RBL1: variants seen among roughly 807,000 people sequenced by gnomAD.
The protein encoded by RBL1 is RB transcriptional corepressor like 1, also known as retinoblastoma-like protein 1.
RBL1 carries 82 observed loss-of-function variants against 123.0 expected under a neutral mutation model. That is an observed-to-expected ratio of 0.67 (90% CI 0.56 to 0.80). The LOEUF (loss-of-function observed/expected upper bound fraction) is 0.80. RBL1 is among the 30% of genes least tolerant of loss of function. The pLI, the probability that RBL1 is intolerant of heterozygous loss-of-function variation, is 0.00. For synonymous variants in RBL1, 405 were observed against 441.3 expected (o/e 0.92, Z 1.03); for missense variants, 1,171 against 1,299.6 (o/e 0.90, Z 1.52).
At chr20:37,032,637 T>C (rs1234434244) in intron 16 of RBL1, 28 bp downstream of exon 16, 1 of 1,607,614 alleles carries the variant, frequency 6.2e-7, no homozygotes, top group Non-Finnish European at 8.5e-7. Flanking sequence ...TTAAACAAAT[T>C]CTTCTAAAGT....
chr20:37,007,854 G>C (rs1457070807), intron 19 of RBL1, among the ~76,000 whole-genome samples: 1 of 151,934 alleles, frequency 6.6e-6, no homozygotes, highest in East Asian at 1.9e-4. Flanking sequence ...GCCTCTCAAA[G>C]TGCTGGGATT....
chr20:37,035,115 T>TAA (rs2064583827), intron 15 of RBL1, 127 bp downstream of exon 15: 14 of 922,300 alleles, frequency 1.5e-5, no homozygotes, highest in East Asian at 6.2e-5. Context: ...TCAAATCTAT[T>TAA]TAAAAAAAAA....
chr20:37,012,755 C>T (rs1256560861), intron 19 of RBL1, among the ~76,000 whole-genome samples: 20 of 150,210 alleles, frequency 1.3e-4, no homozygotes, highest in Admixed American at 9.9e-4. Flanking sequence ...GTCAGCCCCC[C>T]GCCTGGCCAG....
chr20:37,005,741 G>T (rs1428765462), intron 20 of RBL1, among the ~76,000 whole-genome samples: 1 of 152,140 alleles, frequency 6.6e-6, no homozygotes, highest in East Asian at 1.9e-4. Flanking sequence ...GAAGCAGGAT[G>T]AACAGTTATG....
chr20:37,033,339 AC>A (rs2064546081), intron 15 of RBL1, among the ~76,000 whole-genome samples: 3 of 151,428 alleles, frequency 2.0e-5, no homozygotes, highest in Admixed American at 2.0e-4. Flanking sequence ...ATGCTACCAC[AC>A]CCGGCTAATT....
intron 8 of RBL1, 39 bp from the exon 9 acceptor site, chr20:37,061,308 C>T (rs757476742): frequency 6.3e-7 from 1 of 1,596,196 alleles, no homozygotes. Flanking sequence ...TTAAAAGTTA[C>T]CATCTTCCTT....
rs373417462 is a variant in RBL1 at position 37,017,789 on chromosome 20, C to T, written c.2722+490G>A. ...GGGACTACAGGCGTATACCACCACA[C>T]CTAGCTAATTTTTGTATTTTTTTTT... On this transcript the variant is annotated intron_variant, in intron 19 of 21. Transcript: ENST00000373664. Among the ~76,000 whole-genome samples, 68 of 152,148 alleles carry T rather than the reference C, an allele frequency of 4.5e-4. 1 individual carries two copies. In the South Asian group the frequency reaches 7.9e-3, roughly 18 times the overall value.
Position 37,082,346 on chromosome 20 carries a change from TAAGA to T in RBL1, c.290+6639_290+6642del, listed in dbSNP as rs529296901. 2.3e-3 allele frequency among the ~76,000 whole-genome samples: 343 copies of T among 152,264 alleles called. 4 individuals are homozygous for T. The highest frequency in any genetic ancestry group is 3.5e-4 in the Non-Finnish European group (24 of 68,010). ...ATTTAATGTGTATAGTTTGGGAAGATAAGAAAGTTCGGGAAATGGTGGTGGTGTT... is the reference window on the plus strand; with the variant it reads ...ATTTAATGTGTATAGTTTGGGAAGATAAGTTCGGGAAATGGTGGTGGTGTT... On this transcript the variant is annotated intron_variant, in intron 2 of 21. Transcript: ENST00000373664.
intron 21 of RBL1, among the ~76,000 whole-genome samples, chr20:37,001,934 A>C (rs1365993843): frequency 6.0e-4 from 91 of 151,200 alleles, no homozygotes; most frequent in Non-Finnish European, 1.1e-3. Flanking sequence ...AAAAAAAAAA[A>C]AAAAAAAACA....
intron 19 of RBL1, among the ~76,000 whole-genome samples, chr20:37,014,177 A>C (rs1218402875): frequency 6.6e-6 from 1 of 150,718 alleles, no homozygotes; most frequent in Non-Finnish European, 1.5e-5. Context: ...TCCTGGGCTC[A>C]AGCCAACCTC....
intron 2 of RBL1, among the ~76,000 whole-genome samples, chr20:37,070,774 C>T (rs1410797277): frequency 2.0e-5 from 3 of 152,122 alleles, no homozygotes; most frequent in African/African-American, 7.2e-5. Flanking sequence ...AGCAAGCCAC[C>T]GTGCCCAGGC....
chr20:37,031,650 C>T (rs1013359616), intron 16 of RBL1, among the ~76,000 whole-genome samples: 16 of 152,168 alleles, frequency 1.1e-4, no homozygotes, highest in Non-Finnish European at 1.9e-4. Context: ...TACGGTGGTT[C>T]CTCAGAAAAT....
At position 37,068,196 on chromosome 20, in the gene RBL1, A is replaced by T; in HGVS notation, c.291-10T>A. On this transcript the variant is annotated splice_polypyrimidine_tract_variant and intron_variant, in intron 2 of 21. Transcript: ENST00000373664. Reference sequence around the variant, plus strand: ...AAAAAATTGTATTAAACTAAAAAAAAAAAGGAGGAGAAAAAAGGCACCTTT... The same window carrying T: ...AAAAAATTGTATTAAACTAAAAAAATAAAGGAGGAGAAAAAAGGCACCTTT... The T allele has an allele frequency of 1.3e-6, 2 of 1,544,456 alleles. No homozygotes were observed. Among genetic ancestry groups the T allele is most frequent in the Non-Finnish European group, 1.7e-6 (2 of 1,151,842 alleles).
chr20:37,032,994 G>C, intron 15 of RBL1, 118 bp from the exon 16 acceptor site: 1 of 987,120 alleles, frequency 1.0e-6, no homozygotes. Context: ...CTACAAAATA[G>C]TAATTCTAGG....
In RBL1 at chr20:36,997,348, G is replaced by T. The variant is rs1039147432; in HGVS notation, c.*1411C>A. 1 of 151,864 alleles carries T rather than the reference G, an allele frequency of 6.6e-6. No individual in the cohort carries two copies. Among genetic ancestry groups the T allele is most frequent in the African/African-American group, 2.4e-5 (1 of 41,332 alleles). 9.4% of individuals were successfully genotyped at this position (151,864 alleles called of 1,614,324 possible). On this transcript the variant is annotated 3_prime_UTR_variant, in exon 22 of 22. Coordinates refer to ENST00000373664, the MANE Select transcript of RBL1 (RefSeq NM_002895.5). ...TAGTACATCCCTAGTACTGAAAAAA[G>T]CATCCCTAATACTGAAAAGCATCCC...
intron 9 of RBL1, among the ~76,000 whole-genome samples, chr20:37,060,240 T>C (rs146687850): frequency 1.3e-5 from 2 of 151,936 alleles, no homozygotes; most frequent in Non-Finnish European, 2.9e-5. Flanking sequence ...ACCACCAATA[T>C]GCAATTAGTC....
chr20:37,040,215 A>G lies in RBL1; in HGVS notation c.1841T>C (p.Met614Thr). 1 of 1,614,114 alleles carries G rather than the reference A, an allele frequency of 6.2e-7. No homozygotes were observed. The highest frequency in any genetic ancestry group is 1.1e-5 in the South Asian group (1 of 91,072). ...NVQGHLPLMP[M>T]SPLMHPRVKE... Reference sequence around the variant, plus strand: ...GACTCTTGGGTGCATTAGAGGAGACATTGGCATCAGGGGAAGATGTCCCTG... The same window carrying G: ...GACTCTTGGGTGCATTAGAGGAGACGTTGGCATCAGGGGAAGATGTCCCTG... The change falls in exon 14 of 22, where the codon ATG (methionine) becomes ACG (threonine). Residue 614 changes from methionine (M) to threonine (T), a missense_variant. Transcript: ENST00000373664.
chr20:37,007,119 T>C (rs1339241094), intron 20 of RBL1, among the ~76,000 whole-genome samples: 1 of 151,938 alleles, frequency 6.6e-6, no homozygotes, highest in Non-Finnish European at 1.5e-5. Flanking sequence ...CGTGGGGGCA[T>C]GTGGCTGTCG....
intron 12 of RBL1, 90 bp downstream of exon 12, chr20:37,046,963 A>G: frequency 6.9e-7 from 1 of 1,439,892 alleles, no homozygotes; most frequent in Non-Finnish European, 9.1e-7. Flanking sequence ...AGATATCACA[A>G]CAGTGTTTTT....
Sources: allele counts gnomAD v4.1 joint callset (sites outside exome capture counted in the v4.1 genomes callset), GRCh38; gene constraint gnomAD v4.1.1; transcripts MANE v1.5; gene names NCBI Gene and HGNC (gene_info 2026-07-23, HGNC 2026-07-21).